MIOS: variants seen among roughly 807,000 people sequenced by gnomAD.
MIOS encodes the protein meiosis regulator for oocyte development, also known as GATOR2 complex protein MIOS.
In MIOS, 52 loss-of-function variants were observed where a neutral mutation model predicts 96.9. That is an observed-to-expected ratio of 0.54 (90% CI 0.43 to 0.68). MIOS has a LOEUF of 0.68. MIOS is among the 30% of genes least tolerant of loss of function. MIOS has a pLI of 0.00. For synonymous variants in MIOS, 397 were observed against 359.5 expected, an observed-to-expected ratio of 1.10 and a Z score of -1.18; for missense variants, 1,005 against 1,052.8, an observed-to-expected ratio of 0.95 and a Z score of 0.63.
At chr7:7,596,855 G>A (rs914787093) in intron 11 of MIOS, among the ~76,000 whole-genome samples, 2 of 152,130 alleles carry the variant, frequency 1.3e-5, no homozygotes, top group African/African-American at 4.8e-5. Flanking sequence ...CATCATTAAA[G>A]CACTTTGACA....
rs368620487 is a variant in MIOS, at chr7:7,589,609, A to G, written c.2043+46A>G. 7.1e-6 allele frequency: 11 copies of G among 1,554,936 alleles called. 1 individual carries two copies. In the Admixed American group the frequency reaches 1.7e-4, roughly 24 times the overall value. Reference sequence around the variant, plus strand: ...GCTTTTAAAAAAGTAACAATATTCTATATTTTCTTTCCTCAGTTGAAAGTA... The same window carrying G: ...GCTTTTAAAAAAGTAACAATATTCTGTATTTTCTTTCCTCAGTTGAAAGTA... On this transcript the variant is annotated intron_variant, in intron 9 of 12. Coordinates refer to ENST00000340080, the MANE Select transcript of MIOS (RefSeq NM_019005.4).
chr7:7,604,144 A>G (rs889325583), intron 11 of MIOS, among the ~76,000 whole-genome samples: 1 of 152,256 alleles, frequency 6.6e-6, no homozygotes, highest in African/African-American at 2.4e-5. Flanking sequence ...GAGCACACCA[A>G]CATGGCACAT....
At chr7:7,589,918 A>G (rs1163713194) in intron 9 of MIOS, among the ~76,000 whole-genome samples, 1 of 152,176 alleles carries the variant, frequency 6.6e-6, no homozygotes, top group African/African-American at 2.4e-5. Flanking sequence ...GTCTTACTTG[A>G]AGTGCTGAAG....
chr7:7,591,166 A>G (rs556188325), intron 9 of MIOS, among the ~76,000 whole-genome samples: 37 of 151,494 alleles, frequency 2.4e-4, no homozygotes, highest in South Asian at 1.7e-3. Flanking sequence ...GAAAATGTCT[A>G]TTTCACTCTT....
intron 5 of MIOS, among the ~76,000 whole-genome samples, chr7:7,581,302 CAAAAA>C (rs1193553717): frequency 6.6e-6 from 1 of 151,308 alleles, no homozygotes; most frequent in Non-Finnish European, 1.5e-5. Flanking sequence ...GACTCCATCT[CAAAAA>C]AAGAAAAGAA....
chr7:7,577,361 T>A (rs538000772), intron 5 of MIOS, among the ~76,000 whole-genome samples: 1 of 152,198 alleles, frequency 6.6e-6, no homozygotes, highest in African/African-American at 2.4e-5. Flanking sequence ...ATTGCAGTTA[T>A]ATTAGAAATT....
In MIOS at chr7:7,572,962, C is replaced by CTTT; in HGVS notation, c.488_490dup (p.Leu163_Ser164insPhe). The CTTT allele has an allele frequency of 4.3e-6, 7 of 1,614,072 alleles. No homozygotes were observed. Among genetic ancestry groups the CTTT allele is most frequent in the Non-Finnish European group, 5.9e-6 (7 of 1,179,974 alleles). On this transcript the variant is annotated inframe_insertion, in exon 4 of 13. Transcript: ENST00000340080. The surrounding 1 kb of genome is among the most constrained non-coding windows in gnomAD (Gnocchi z 4.8). ...TATAGTTCCCATGGAAAAAGTGAAA[C>CTTT]TTTCAGCAGGTGAAACTGAAACAAC...
chr7:7,604,807 T>G (rs966921178), intron 11 of MIOS, among the ~76,000 whole-genome samples: 16 of 152,232 alleles, frequency 1.1e-4, no homozygotes, highest in Non-Finnish European at 2.4e-4. Context: ...GTCTGTTATC[T>G]GTTTATGTTA....
chr7:7,604,668 C>T (rs879401184), intron 11 of MIOS, among the ~76,000 whole-genome samples: 1 of 152,180 alleles, frequency 6.6e-6, no homozygotes, highest in Admixed American at 6.5e-5. Flanking sequence ...CACTTGTCTT[C>T]ATAATTCACT....
intron 9 of MIOS, among the ~76,000 whole-genome samples, chr7:7,590,982 C>T (rs1258734995): frequency 6.6e-6 from 1 of 152,166 alleles, no homozygotes; most frequent in African/African-American, 2.4e-5. Flanking sequence ...ATATTATATA[C>T]TCCAACTTAC....
intron 1 of MIOS, 61 bp from the exon 2 acceptor site, chr7:7,567,546 C>T (rs1196859493): frequency 6.6e-6 from 1 of 152,222 alleles, no homozygotes; most frequent in African/African-American, 2.4e-5. Flanking sequence ...AAACCTCACA[C>T]ATGTTGTGGA....
intron 9 of MIOS, among the ~76,000 whole-genome samples, chr7:7,594,267 C>T (rs17168805): frequency 6.6e-6 from 1 of 151,202 alleles, no homozygotes; most frequent in African/African-American, 2.4e-5. Flanking sequence ...ACCAAGCTAA[C>T]TGTTAGTTCA....
chr7:7,569,223 C>T (rs1783261309), intron 3 of MIOS, among the ~76,000 whole-genome samples: 2 of 152,188 alleles, frequency 1.3e-5, no homozygotes, highest in African/African-American at 4.8e-5. Context: ...TAGCTGCTTC[C>T]TGTTACGTGA....
chr7:7,603,074 A>G lies in MIOS; in HGVS notation c.2402-2868A>G, dbSNP rs547774157. Among the ~76,000 whole-genome samples the G allele has an allele frequency of 8.5e-5, 13 of 152,272 alleles. No individual in the cohort carries two copies. In the East Asian group the frequency reaches 2.3e-3, roughly 27 times the overall value. ...CACCTTATACAAAAATTAATTCAAG[A>G]TGGATTAAAGACTTAAACGTTAGAC... On this transcript the variant is annotated intron_variant, in intron 11 of 12. Coordinates refer to ENST00000340080, the MANE Select transcript of MIOS (RefSeq NM_019005.4).
At chr7:7,574,727 G>A (rs1349687074) in intron 5 of MIOS, among the ~76,000 whole-genome samples, 2 of 152,004 alleles carry the variant, frequency 1.3e-5, no homozygotes, top group Non-Finnish European at 2.9e-5. Context: ...GTGAGTTAAT[G>A]TAGGATTGAA....
In MIOS at chr7:7,599,889, G is replaced by C. The variant is rs144925488; in HGVS notation, c.2401+3428G>C. ...CATGTCTTTTGCAGCAGCATGGATA[G>C]AGCTGGAGGCCATTATCCTAAGCAA... On this transcript the variant is annotated intron_variant, in intron 11 of 12. Transcript: ENST00000340080. Among the ~76,000 whole-genome samples, 10 of 152,244 alleles carry C rather than the reference G, an allele frequency of 6.6e-5. 1 individual carries two copies. The highest frequency in any genetic ancestry group is 1.5e-4 in the Non-Finnish European group (10 of 68,012).
chr7:7,572,618 A>G lies in MIOS; in HGVS notation c.143A>G (p.Asp48Gly). 2 of 1,614,006 alleles carry G rather than the reference A, an allele frequency of 1.2e-6. No homozygotes were observed. Among genetic ancestry groups the G allele is most frequent in the Non-Finnish European group, 1.7e-6 (2 of 1,179,994 alleles). ...GCTGGATCTTTACGTTTATCTGAAG[A>G]CTCTGCAGCTACATTACTGTCAATA... ...LKAGSLRLSE[D>G]SAATLLSINS... Residue 48 changes from aspartate (D) to glycine (G), a missense_variant, in exon 4 of 13, where the codon GAC (aspartate) becomes GGC (glycine). Physicochemically the swap from Asp to Gly is moderately conservative, Grantham distance 94 (BLOSUM62 -1). Coordinates refer to ENST00000340080, the MANE Select transcript of MIOS (RefSeq NM_019005.4). This position sits in a 1 kb window ranked among gnomAD's most constrained non-coding sequence, Gnocchi z 4.8.
intron 11 of MIOS, among the ~76,000 whole-genome samples, chr7:7,602,428 T>C (rs968767493): frequency 9.9e-5 from 15 of 152,084 alleles, no homozygotes; most frequent in East Asian, 1.9e-4. Context: ...TATACACCAA[T>C]AACAGACAAA....
At chr7:7,603,640 G>A (rs1202818002) in intron 11 of MIOS, among the ~76,000 whole-genome samples, 1 of 152,148 alleles carries the variant, frequency 6.6e-6, no homozygotes, top group Non-Finnish European at 1.5e-5. Context: ...CAACCATTGT[G>A]GAAGTCAGTG....
Sources: allele counts gnomAD v4.1 joint callset (sites outside exome capture counted in the v4.1 genomes callset), GRCh38; gene constraint gnomAD v4.1.1; non-coding constraint Gnocchi (gnomAD v3.1); transcripts MANE v1.5; gene names NCBI Gene and HGNC (gene_info 2026-07-23, HGNC 2026-07-21).